The following SLC1A2 variants were observed in gnomAD, a reference collection of about 807,000 sequenced individuals.
SLC1A2 encodes solute carrier family 1 member 2.
Under a neutral mutation model 48.8 loss-of-function variants are expected in SLC1A2, and 15 were observed. The ratio of observed to expected loss-of-function variants is 0.31; its 90% CI spans 0.21 to 0.47. The LOEUF (loss-of-function observed/expected upper bound fraction) is 0.47, where lower values mean the gene tolerates loss of function less well. Ranked by LOEUF, SLC1A2 falls within the 20% of genes least tolerant of loss-of-function variation. SLC1A2 has a pLI of 0.99. For missense variants in SLC1A2, 502 were observed against 730.5 expected (o/e 0.69, Z 3.61); for synonymous variants, 279 against 272.6 (o/e 1.02, Z -0.23).
Position 35,256,965 on chromosome 11 carries a change from T to A in SLC1A2, c.*3929A>T, listed in dbSNP as rs1238790412. On this transcript the variant is annotated 3_prime_UTR_variant, in exon 11 of 11. Coordinates refer to ENST00000278379, the MANE Select transcript of SLC1A2 (RefSeq NM_004171.4). ...TACTGCTGCATTCCATGGGAAAATA[T>A]TGCACAGGTGGCCGAAGCCTTGATT... 2 of 152,168 alleles carry A rather than the reference T, an allele frequency of 1.3e-5. No individual in the cohort carries two copies. The highest frequency in any genetic ancestry group is 6.6e-5 in the Admixed American group (1 of 15,264). The allele number at this position is 152,168 out of a possible 1,614,324, so 9.4% of individuals were successfully genotyped here.
At position 35,254,378 on chromosome 11, in the gene SLC1A2, T is replaced by A. The variant is rs1950284976; in HGVS notation, c.*6516A>T. ...CTAGATGCCAAAGGATGACTTTCTATAAGGGAAGTAACTCTTATGGAGTAT... is the reference window on the plus strand; with the variant it reads ...CTAGATGCCAAAGGATGACTTTCTAAAAGGGAAGTAACTCTTATGGAGTAT... On this transcript the variant is annotated 3_prime_UTR_variant, in exon 11 of 11. Coordinates refer to ENST00000278379, the MANE Select transcript of SLC1A2 (RefSeq NM_004171.4). The A allele has an allele frequency of 6.3e-6, 1 of 158,438 alleles. No individual in the cohort carries two copies. The highest frequency in any genetic ancestry group is 6.1e-5 in the Admixed American group (1 of 16,412). The allele number at this position is 158,438 out of a possible 1,614,324, so 9.8% of individuals were successfully genotyped here. A position where few individuals can be genotyped will look rare whatever the true frequency, so the allele number is the denominator to read the frequency against.
In SLC1A2 at chr11:35,394,630, A is replaced by C. The variant is rs114236662; in HGVS notation, c.17+24320T>G. On this transcript the variant is annotated intron_variant, in intron 1 of 10. Transcript: ENST00000278379. ...CCTTCAGTTTCTCCTAGTCAGCTGC[A>C]AGGCCACCATCCCACCAGTTAAGGA... 2.9e-3 allele frequency among the ~76,000 whole-genome samples: 447 copies of C among 152,270 alleles called. 1 individual carries two copies. Among genetic ancestry groups the C allele is most frequent in the African/African-American group, 0.01 (432 of 41,550 alleles).
At chr11:35,299,936 G>A (rs1314453266) in intron 6 of SLC1A2, among the ~76,000 whole-genome samples, 1 of 152,168 alleles carries the variant, frequency 6.6e-6, no homozygotes, top group Non-Finnish European at 1.5e-5. Flanking sequence ...TGGTCTAAGA[G>A]TGGTTTTATT....
At chr11:35,315,002 G>T in intron 3 of SLC1A2, 21 bp downstream of exon 3, 1 of 1,593,140 alleles carries the variant, frequency 6.3e-7, no homozygotes, top group Non-Finnish European at 8.6e-7. Context: ...TGTTAGCCAG[G>T]CACTAGTGAG....
rs1170660408 is a variant in SLC1A2, at chr11:35,252,727, G to C, written c.*8167C>G. 6.6e-6 allele frequency: 1 copy of C among 152,608 alleles called. No individual in the cohort carries two copies. Among genetic ancestry groups the C allele is most frequent in the Admixed American group, 6.5e-5 (1 of 15,282 alleles). The allele number at this position is 152,608 out of a possible 1,614,324, so 9.5% of individuals were successfully genotyped here. ...CAAAACACCGATCAACATGTCTACTGCATTTAGATGAATAGCCAAAAATAA... is the reference window on the plus strand; with the variant it reads ...CAAAACACCGATCAACATGTCTACTCCATTTAGATGAATAGCCAAAAATAA... On this transcript the variant is annotated 3_prime_UTR_variant, in exon 11 of 11. Coordinates refer to ENST00000278379, the MANE Select transcript of SLC1A2 (RefSeq NM_004171.4).
intron 2 of SLC1A2, 38 bp from the exon 3 acceptor site, chr11:35,315,213 G>A (rs1851836050): frequency 1.3e-6 from 2 of 1,582,578 alleles, no homozygotes; most frequent in Non-Finnish European, 1.7e-6. Flanking sequence ...TTTATTTTTT[G>A]CCTTCGTCAA....
intron 1 of SLC1A2, among the ~76,000 whole-genome samples, chr11:35,338,011 A>G (rs1852695567): frequency 6.6e-6 from 1 of 152,188 alleles, no homozygotes; most frequent in Admixed American, 6.5e-5. Context: ...AGTGCTTTGC[A>G]TGTGCCAGAT....
chr11:35,375,125 T>C (rs1266810283), intron 1 of SLC1A2, among the ~76,000 whole-genome samples: 2 of 152,234 alleles, frequency 1.3e-5, no homozygotes, highest in Non-Finnish European at 2.9e-5. Flanking sequence ...TTGTGTAACA[T>C]GGATTTTTCA....
chr11:35,341,060 C>T (rs941350398), intron 1 of SLC1A2, among the ~76,000 whole-genome samples: 2 of 152,136 alleles, frequency 1.3e-5, no homozygotes, highest in Non-Finnish European at 2.9e-5. Flanking sequence ...TGGTTGACAG[C>T]GGGGAAGGGA....
At chr11:35,319,341 T>C (rs138785629) in intron 1 of SLC1A2, among the ~76,000 whole-genome samples, 4 of 152,348 alleles carry the variant, frequency 2.6e-5, no homozygotes, top group African/African-American at 9.6e-5. Flanking sequence ...TTTTTAAACA[T>C]GTCTCCAGCA....
chr11:35,344,018 T>G (rs1341014197), intron 1 of SLC1A2, among the ~76,000 whole-genome samples: 2 of 152,158 alleles, frequency 1.3e-5, no homozygotes, highest in African/African-American at 4.8e-5. Context: ...GTGGCCCCAC[T>G]GAGAACTCAG....
At position 35,334,790 on chromosome 11, in the gene SLC1A2, C is replaced by A. The variant is rs1852561796; in HGVS notation, c.18-17274G>T. 2.0e-5 allele frequency among the ~76,000 whole-genome samples: 3 copies of A among 151,904 alleles called. No homozygotes were observed. In the South Asian group the frequency reaches 6.2e-4, roughly 32 times the overall value. ...AAGATTTGGTGAGTTGGACTCACAG[C>A]TTGTAGAGTCTGGCTGGAGAGCAAT... On this transcript the variant is annotated intron_variant, in intron 1 of 10. Transcript: ENST00000278379.
intron 10 of SLC1A2, among the ~76,000 whole-genome samples, chr11:35,263,567 C>A (rs574200075): frequency 2.0e-5 from 3 of 152,282 alleles, no homozygotes; most frequent in Admixed American, 1.3e-4. Flanking sequence ...CACGCCCACA[C>A]CTTCTTTTTC....
chr11:35,298,268 T>C (rs1227172398), intron 6 of SLC1A2: 1 of 152,220 alleles, frequency 6.6e-6, no homozygotes, highest in Non-Finnish European at 1.5e-5. Flanking sequence ...AATGGGTTAG[T>C]ACCTGTACTG....
chr11:35,269,246 A>G (rs1011921376), intron 9 of SLC1A2, among the ~76,000 whole-genome samples: 9 of 152,224 alleles, frequency 5.9e-5, no homozygotes, highest in Non-Finnish European at 7.3e-5. Flanking sequence ...TGGACTTTCA[A>G]GCCTCCACAG....
At position 35,292,284 on chromosome 11, in the gene SLC1A2, T is replaced by C; in HGVS notation, c.1091+3A>G. The C allele has an allele frequency of 6.2e-7, 1 of 1,604,524 alleles. No individual in the cohort carries two copies. The highest frequency in any genetic ancestry group is 2.2e-5 in the East Asian group (1 of 44,830). ...GAGAAAGGTGATTTCTTTTGTTCTC[T>C]ACCTGGAAGCGGTGCCCAGGGCAGT... On this transcript the variant is annotated splice_donor_region_variant and intron_variant, in intron 7 of 10. Transcript: ENST00000278379.
intron 6 of SLC1A2, among the ~76,000 whole-genome samples, chr11:35,293,390 G>C (rs189495898): frequency 6.6e-6 from 1 of 152,112 alleles, no homozygotes; most frequent in Non-Finnish European, 1.5e-5. Context: ...GCAGTTTGTC[G>C]TATACCAATT....
chr11:35,394,167 C>T (rs1434168785), intron 1 of SLC1A2, among the ~76,000 whole-genome samples: 4 of 152,144 alleles, frequency 2.6e-5, no homozygotes, highest in African/African-American at 9.7e-5. Context: ...TACCCACCCA[C>T]CAGCTACAGG....
chr11:35,323,623 C>T (rs1363636186), intron 1 of SLC1A2, among the ~76,000 whole-genome samples: 2 of 152,108 alleles, frequency 1.3e-5, no homozygotes, highest in East Asian at 1.9e-4. Context: ...TAGGTACCCA[C>T]GATGGAATAA....
Sources: allele counts gnomAD v4.1 joint callset (sites outside exome capture counted in the v4.1 genomes callset), GRCh38; gene constraint gnomAD v4.1.1; transcripts MANE v1.5; gene names NCBI Gene and HGNC (gene_info 2026-07-23, HGNC 2026-07-21).